CAAP1: variants seen among roughly 807,000 people sequenced by gnomAD.
CAAP1 encodes the protein caspase activity and apoptosis inhibitor 1.
Under a neutral mutation model 34.0 loss-of-function variants are expected in CAAP1, and 20 were observed. That is an observed-to-expected ratio of 0.59 (90% CI 0.41 to 0.86). CAAP1 has a LOEUF of 0.86. Among genes scored for constraint, CAAP1 ranks in the 40% least tolerant of loss-of-function variants. CAAP1 has a pLI of 0.00. For synonymous variants in CAAP1, 213 were observed against 166.7 expected, an observed-to-expected ratio of 1.28 and a Z score of -2.14; for missense variants, 538 against 450.5, an observed-to-expected ratio of 1.19 and a Z score of -1.76.
intron 1 of CAAP1, among the ~76,000 whole-genome samples, chr9:26,888,039 C>G (rs1337326677): frequency 2.0e-5 from 3 of 152,202 alleles, no homozygotes; most frequent in African/African-American, 7.2e-5. Flanking sequence ...TACTTTCTGT[C>G]TCCCAACTCT....
chr9:26,855,929 G>A (rs868605371), intron 5 of CAAP1, among the ~76,000 whole-genome samples: 4 of 152,088 alleles, frequency 2.6e-5, no homozygotes, highest in Admixed American at 1.3e-4. Context: ...ACACATCACA[G>A]GATAGAATGT....
intron 5 of CAAP1, 68 bp from the exon 6 acceptor site, chr9:26,842,715 A>T (rs1822510529): frequency 7.5e-7 from 1 of 1,338,158 alleles, no homozygotes; most frequent in Admixed American, 2.3e-5. Flanking sequence ...CTTACTGTTT[A>T]TAATTTAAAA....
At chr9:26,884,516 G>A (rs889503349) in intron 4 of CAAP1, among the ~76,000 whole-genome samples, 10 of 152,138 alleles carry the variant, frequency 6.6e-5, no homozygotes, top group Admixed American at 2.6e-4. Context: ...AGTGAGGATC[G>A]TGAATAGTGT....
intron 1 of CAAP1, among the ~76,000 whole-genome samples, chr9:26,888,705 C>T (rs1396263440): frequency 6.6e-6 from 1 of 152,192 alleles, no homozygotes; most frequent in Middle Eastern, 3.2e-3. Flanking sequence ...TTTGGCAGTT[C>T]CTCAAAAAGT....
chr9:26,873,795 T>G (rs1389941135), intron 4 of CAAP1, among the ~76,000 whole-genome samples: 1 of 152,226 alleles, frequency 6.6e-6, no homozygotes, highest in African/African-American at 2.4e-5. Flanking sequence ...TTTAAAACAC[T>G]ATAAAACTAT....
rs562147525 is a variant in CAAP1, at chr9:26,891,515, C to A, written c.303+898G>T. ...GGAATTTCAGTTCTCACACTCTCTC[C>A]CAACATAACTCTTGTAGGAGATATA... On this transcript the variant is annotated intron_variant, in intron 1 of 5. Coordinates refer to ENST00000333916, the MANE Select transcript of CAAP1 (RefSeq NM_024828.4). 9.2e-5 allele frequency among the ~76,000 whole-genome samples: 14 copies of A among 152,226 alleles called. 1 individual carries two copies. In the South Asian group the frequency reaches 2.7e-3, roughly 29 times the overall value.
chr9:26,844,902 C>CG (rs1822561599), intron 5 of CAAP1, among the ~76,000 whole-genome samples: 1 of 152,188 alleles, frequency 6.6e-6, no homozygotes, highest in Admixed American at 6.5e-5. Context: ...ATGTTCTACA[C>CG]GTGGCAAGCC....
chr9:26,862,427 G>C (rs1031934055), intron 4 of CAAP1, among the ~76,000 whole-genome samples: 6 of 149,358 alleles, frequency 4.0e-5, no homozygotes, highest in Non-Finnish European at 8.9e-5. Flanking sequence ...AAAAAAAAAA[G>C]ACTTCAAAAT....
chr9:26,889,867 C>CAAAA (rs1028187218), intron 1 of CAAP1, among the ~76,000 whole-genome samples: 2 of 51,288 alleles, frequency 3.9e-5, no homozygotes, highest in African/African-American at 1.5e-4. Flanking sequence ...GACTCTGTCT[C>CAAAA]AAAAAAAAAA....
chr9:26,849,123 T>C (rs1301062132), intron 5 of CAAP1, among the ~76,000 whole-genome samples: 2 of 152,234 alleles, frequency 1.3e-5, no homozygotes, highest in Non-Finnish European at 2.9e-5. Context: ...GTATACAGGC[T>C]AGACGACAGT....
intron 2 of CAAP1, among the ~76,000 whole-genome samples, 159 bp from the exon 3 acceptor site, chr9:26,886,347 T>A (rs904613839): frequency 6.6e-6 from 1 of 152,192 alleles, no homozygotes; most frequent in African/African-American, 2.4e-5. Context: ...GGATGAAATC[T>A]GAAAAACTGC....
At chr9:26,881,460 GAAGT>G (rs1823591411) in intron 4 of CAAP1, among the ~76,000 whole-genome samples, 1 of 152,160 alleles carries the variant, frequency 6.6e-6, no homozygotes, top group South Asian at 2.1e-4. Context: ...TCTTCTGGTG[GAAGT>G]AAGTTTCACA....
chr9:26,880,866 G>A (rs192541635), intron 4 of CAAP1, among the ~76,000 whole-genome samples: 114 of 152,102 alleles, frequency 7.5e-4, no homozygotes, highest in African/African-American at 2.6e-3. Context: ...AGTGGAGACC[G>A]GGTTTCATCA....
intron 4 of CAAP1, among the ~76,000 whole-genome samples, chr9:26,877,576 A>C (rs1401013946): frequency 6.6e-6 from 1 of 152,202 alleles, no homozygotes; most frequent in African/African-American, 2.4e-5. Context: ...GCAAGGGTTC[A>C]ATTTCAGTTG....
chr9:26,856,634 T>C (rs1450215792), intron 5 of CAAP1, among the ~76,000 whole-genome samples: 1 of 152,196 alleles, frequency 6.6e-6, no homozygotes, highest in Non-Finnish European at 1.5e-5. Context: ...CCAAACACCT[T>C]CAGCATCAGA....
intron 4 of CAAP1, among the ~76,000 whole-genome samples, chr9:26,870,295 G>T (rs1823242622): frequency 6.6e-6 from 1 of 151,940 alleles, no homozygotes; most frequent in South Asian, 2.1e-4. Flanking sequence ...AATCAGATTA[G>T]AAAAACTGGG....
At chr9:26,884,981 G>A in intron 3 of CAAP1, 96 bp from the exon 4 acceptor site, 2 of 869,888 alleles carry the variant, frequency 2.3e-6, no homozygotes, top group Non-Finnish European at 3.5e-6. Context: ...AAGTGATGCA[G>A]ATTAAAGAAC....
intron 5 of CAAP1, among the ~76,000 whole-genome samples, chr9:26,854,708 C>A (rs775316246): frequency 6.6e-6 from 1 of 152,040 alleles, no homozygotes; most frequent in African/African-American, 2.4e-5. Context: ...AGCAACAATA[C>A]GAAAACAACC....
At chr9:26,847,339 C>A (rs913794635) in intron 5 of CAAP1, among the ~76,000 whole-genome samples, 1 of 149,868 alleles carries the variant, frequency 6.7e-6, no homozygotes, top group Non-Finnish European at 1.5e-5. Flanking sequence ...CTCAGCCTCC[C>A]AAGTAGCTGG....
Sources: gnomAD v4.1 joint callset for allele counts (sites outside exome capture counted in the v4.1 genomes callset) on GRCh38, gnomAD v4.1.1 for gene constraint, MANE v1.5 for transcripts, NCBI Gene and HGNC (gene_info 2026-07-23, HGNC 2026-07-21) for gene names.